ZNF521: variants seen among roughly 807,000 people sequenced by gnomAD.
ZNF521 encodes the protein zinc finger protein 521.
In ZNF521, 14 loss-of-function variants were observed where a neutral mutation model predicts 105.5. That is an observed-to-expected ratio of 0.13 (90% CI 0.09 to 0.21). ZNF521 has a LOEUF of 0.21. Ranked by LOEUF, ZNF521 falls within the 10% of genes least tolerant of loss-of-function variation. The pLI, the probability that ZNF521 is intolerant of heterozygous loss-of-function variation, is 1.00. For missense variants in ZNF521, 1,233 were observed against 1,629.7 expected, an observed-to-expected ratio of 0.76 and a Z score of 4.19; for synonymous variants, 635 against 606.0, an observed-to-expected ratio of 1.05 and a Z score of -0.70.
intron 2 of ZNF521, among the ~76,000 whole-genome samples, chr18:25,328,122 AC>A (rs1395689373): frequency 2.0e-5 from 3 of 152,324 alleles, no homozygotes; most frequent in Admixed American, 2.0e-4. Context: ...AAGAAAAGGA[AC>A]CTGTAATCTA....
chr18:25,112,726 A>G (rs1477469799), intron 5 of ZNF521, among the ~76,000 whole-genome samples: 2 of 152,100 alleles, frequency 1.3e-5, no homozygotes, highest in Non-Finnish European at 2.9e-5. Flanking sequence ...ACATATTTTG[A>G]TATCTCTATT....
chr18:25,152,724 T>C (rs540991828), intron 5 of ZNF521, among the ~76,000 whole-genome samples: 4 of 152,330 alleles, frequency 2.6e-5, no homozygotes, highest in East Asian at 1.9e-4. Context: ...TACATACATC[T>C]TGAAGTTTTG....
chr18:25,193,873 C>T (rs1442396192), intron 5 of ZNF521, among the ~76,000 whole-genome samples: 1 of 151,740 alleles, frequency 6.6e-6, no homozygotes, highest in Non-Finnish European at 1.5e-5. Flanking sequence ...GTATAAGTTC[C>T]ATTTTGCACA....
intron 7 of ZNF521, among the ~76,000 whole-genome samples, chr18:25,085,206 AATTAT>A (rs1266089828): frequency 4.7e-5 from 7 of 149,542 alleles, no homozygotes; most frequent in South Asian, 2.1e-4. Context: ...TCTTGCTACA[AATTAT>A]ATTATATTTT....
At chr18:25,322,737 A>C (rs1261239313) in intron 2 of ZNF521, among the ~76,000 whole-genome samples, 1 of 152,212 alleles carries the variant, frequency 6.6e-6, no homozygotes, top group African/African-American at 2.4e-5. Flanking sequence ...AGTGATAGCA[A>C]AATAAGCTGT....
chr18:25,090,717 T>C (rs1014743271), intron 6 of ZNF521, among the ~76,000 whole-genome samples: 1 of 152,196 alleles, frequency 6.6e-6, no homozygotes, highest in East Asian at 1.9e-4. Context: ...ATGAGGCTTC[T>C]GGCTACAACA....
intron 3 of ZNF521, among the ~76,000 whole-genome samples, chr18:25,256,032 G>GTA (rs1019997166): frequency 1.4e-5 from 2 of 146,606 alleles, no homozygotes; most frequent in African/African-American, 5.0e-5. Context: ...TATATATATG[G>GTA]TATATATATG....
intron 4 of ZNF521, among the ~76,000 whole-genome samples, chr18:25,210,444 C>T (rs1176082587): frequency 6.6e-6 from 1 of 152,106 alleles, no homozygotes; most frequent in Non-Finnish European, 1.5e-5. Context: ...TAAAGGTTTG[C>T]TTATGTAATA....
Position 25,225,709 on chromosome 18 carries a change from T to C in ZNF521, c.2209A>G (p.Ile737Val). The part of the protein sequence containing the change: ...CQEVFDSKVS[I>V]QLHLAVKHSN... ...TGCTTCACAGCCAAGTGGAGCTGAA[T>C]GGAGACTTTTGAGTCAAAAACTTCC... Residue 737 changes from isoleucine to valine, a missense_variant, in exon 4 of 8, where the codon ATT becomes GTT. Ile to Val is a conservative substitution (Grantham distance 29). Transcript: ENST00000361524. This position sits in a 1 kb window ranked among gnomAD's most constrained non-coding sequence, Gnocchi z 5.6. The C allele has an allele frequency of 1.2e-6, 2 of 1,614,208 alleles. No homozygotes were observed. Among genetic ancestry groups the C allele is most frequent in the South Asian group, 2.2e-5 (2 of 91,086 alleles).
intron 2 of ZNF521, among the ~76,000 whole-genome samples, chr18:25,333,450 A>C (rs1304667015): frequency 6.6e-6 from 1 of 152,086 alleles, no homozygotes; most frequent in African/African-American, 2.4e-5. Flanking sequence ...TAATCTGGTC[A>C]ATTCCGCTGT....
At chr18:25,211,203 C>A (rs1041434986) in intron 4 of ZNF521, among the ~76,000 whole-genome samples, 1 of 152,080 alleles carries the variant, frequency 6.6e-6, no homozygotes, top group Non-Finnish European at 1.5e-5. Flanking sequence ...AGGCTCAGAG[C>A]CTTTTGTGGG....
At chr18:25,145,748 C>G (rs1195950655) in intron 5 of ZNF521, among the ~76,000 whole-genome samples, 1 of 152,224 alleles carries the variant, frequency 6.6e-6, no homozygotes, top group Admixed American at 6.5e-5. Flanking sequence ...ATTCAAAACA[C>G]ACTCTGAGCC....
intron 5 of ZNF521, among the ~76,000 whole-genome samples, chr18:25,180,729 G>T (rs868018386): frequency 6.6e-5 from 10 of 152,104 alleles, no homozygotes; most frequent in Admixed American, 6.5e-4. Flanking sequence ...CCACCATACT[G>T]CCAGCATTCC....
chr18:25,192,122 A>G (rs1600138820), intron 5 of ZNF521, among the ~76,000 whole-genome samples: 1 of 152,184 alleles, frequency 6.6e-6, no homozygotes, highest in Non-Finnish European at 1.5e-5. Flanking sequence ...GTAAAGAAGA[A>G]AAGAAACCCC....
chr18:25,131,285 A>G lies in ZNF521; in HGVS notation c.3659-39204T>C, dbSNP rs61729563. 9.9e-3 allele frequency among the ~76,000 whole-genome samples: 1,507 copies of G among 152,180 alleles called. 23 individuals are homozygous for G. Among genetic ancestry groups the G allele is most frequent in the African/African-American group, 0.034 (1,429 of 41,530 alleles). On this transcript the variant is annotated intron_variant, in intron 5 of 7. Transcript: ENST00000361524. The stretch of plus-strand genomic sequence containing the variant: ...ACTTAAAGTCCTTGGCATGGCATAC[A>G]AGGTTCTTGATGGTCTGGTAAGGCT...
At chr18:25,089,894 ACTC>A (rs1400739713) in intron 6 of ZNF521, among the ~76,000 whole-genome samples, 1 of 152,090 alleles carries the variant, frequency 6.6e-6, no homozygotes, top group Non-Finnish European at 1.5e-5. Context: ...AACAGAAATG[ACTC>A]CTATTTCTCA....
chr18:25,292,026 T>A (rs1422226105), intron 3 of ZNF521, among the ~76,000 whole-genome samples: 6 of 152,112 alleles, frequency 3.9e-5, no homozygotes, highest in African/African-American at 1.4e-4. Flanking sequence ...TCAATGAATA[T>A]TTATTGAAAG....
chr18:25,114,666 A>G (rs1329382418), intron 5 of ZNF521, among the ~76,000 whole-genome samples: 5 of 152,228 alleles, frequency 3.3e-5, no homozygotes, highest in African/African-American at 1.2e-4. Context: ...TGGGTAAATG[A>G]AAAGCAAACA....
At chr18:25,196,633 T>C (rs553175688) in intron 4 of ZNF521, among the ~76,000 whole-genome samples, 6 of 151,886 alleles carry the variant, frequency 4.0e-5, no homozygotes, top group African/African-American at 1.4e-4. Context: ...GCGAACTGAA[T>C]GTGCTGAATC....
Sources: gnomAD v4.1 joint callset for allele counts (sites outside exome capture counted in the v4.1 genomes callset) on GRCh38, gnomAD v4.1.1 for gene constraint, Gnocchi (gnomAD v3.1) non-coding constraint, MANE v1.5 for transcripts, NCBI Gene and HGNC (gene_info 2026-07-23, HGNC 2026-07-21) for gene names.